ZNF430: variants seen among roughly 807,000 people sequenced by gnomAD.
ZNF430 encodes the protein zinc finger protein 430.
In ZNF430, 35 loss-of-function variants were observed where a neutral mutation model predicts 56.7. That is an observed-to-expected ratio of 0.62 (90% CI 0.47 to 0.82). ZNF430 has a LOEUF of 0.82. Ranked by LOEUF, ZNF430 falls within the 40% of genes least tolerant of loss-of-function variation. The pLI is 0.00. For missense variants in ZNF430, 574 were observed against 661.0 expected, an observed-to-expected ratio of 0.87 and a Z score of 1.44; for synonymous variants, 212 against 224.3, an observed-to-expected ratio of 0.94 and a Z score of 0.49.
intron 2 of ZNF430, among the ~76,000 whole-genome samples, chr19:21,033,211 G>A (rs921346588): frequency 6.6e-5 from 10 of 151,818 alleles, no homozygotes; most frequent in African/African-American, 7.3e-5. Flanking sequence ...AAAATTAGCC[G>A]AATGTAGTGG....
chr19:21,032,372 ACT>A (rs1047153577), intron 2 of ZNF430, among the ~76,000 whole-genome samples: 142 of 152,218 alleles, frequency 9.3e-4, no homozygotes, highest in African/African-American at 3.2e-3. Context: ...ATTATAATTT[ACT>A]GTTTGAGGGG....
At chr19:21,051,501 T>G (rs1226789357) in intron 4 of ZNF430, among the ~76,000 whole-genome samples, 4 of 152,196 alleles carry the variant, frequency 2.6e-5, no homozygotes, top group Admixed American at 1.3e-4. Context: ...ATTTTATTAG[T>G]TCACTTTGTT....
intron 4 of ZNF430, 121 bp downstream of exon 4, chr19:21,034,305 GTT>G: frequency 1.9e-5 from 12 of 648,334 alleles, no homozygotes; most frequent in Admixed American, 3.2e-5. Context: ...GGAAGCCTGA[GTT>G]TTTTTTTTTA....
In ZNF430 at chr19:21,057,135, T is replaced by G; in HGVS notation, c.827T>G (p.Leu276Arg). The G allele has an allele frequency of 6.2e-7, 1 of 1,614,026 alleles. No homozygotes were observed. The highest frequency in any genetic ancestry group is 8.5e-7 in the Non-Finnish European group (1 of 1,179,994). ...AAAGCTTTTAAGCAGTCCTCAACCC[T>G]TACTACACATAAGATAATTCATACT... ...CGKAFKQSST[L>R]TTHKIIHTGE... The change falls in exon 5 of 5, where the codon CTT becomes CGT. Residue 276 changes from leucine (L) to arginine (R), a missense_variant. Physicochemically the swap from Leu to Arg is moderately radical, Grantham distance 102. Coordinates refer to ENST00000261560, the MANE Select transcript of ZNF430 (RefSeq NM_025189.4).
chr19:21,024,734 C>T (rs1480174284), intron 2 of ZNF430, among the ~76,000 whole-genome samples: 5 of 151,320 alleles, frequency 3.3e-5, no homozygotes, highest in South Asian at 2.1e-4. Context: ...GAGCCTAGAT[C>T]GCGCCACTGC....
chr19:21,055,353 A>C (rs1968356265), intron 4 of ZNF430, among the ~76,000 whole-genome samples: 1 of 152,118 alleles, frequency 6.6e-6, no homozygotes, highest in African/African-American at 2.4e-5. Flanking sequence ...GGAGTCTCTC[A>C]AACATGTTGC....
intron 2 of ZNF430, among the ~76,000 whole-genome samples, chr19:21,024,178 A>C (rs780997471): frequency 1.5e-4 from 23 of 152,196 alleles, no homozygotes; most frequent in South Asian, 4.1e-4. Context: ...TAGCCTGCTC[A>C]CTCTAGCTGT....
In ZNF430 at chr19:21,039,199, C is replaced by T. The variant is rs544664546; in HGVS notation, c.322+5015C>T. 2.6e-5 allele frequency among the ~76,000 whole-genome samples: 4 copies of T among 152,156 alleles called. No individual in the cohort carries two copies. The South Asian group carries it at 8.3e-4, about 32-fold the overall frequency. On this transcript the variant is annotated intron_variant, in intron 4 of 4. Transcript: ENST00000261560. ...CCTGACCTCAAGTGATTCGCCCACA[C>T]CAGCCTCCTGAAGTGCTGGGATTAC...
chr19:21,026,021 T>G, intron 2 of ZNF430: 1 of 371,918 alleles, frequency 2.7e-6, no homozygotes, highest in Non-Finnish European at 5.1e-6. Context: ...TGGCATGGTT[T>G]CCTCTGGATG....
rs71174785 is a variant in ZNF430, at chr19:21,021,823, A to ATTTTTTTTTTTTTTTTT, written c.4-952_4-936dup. ...TTTCAAAACGATGCGCCTGAGTTAGATTTTTTTTTTTTTTTTTTTTTTTTT... is the reference window on the plus strand; with the variant it reads ...TTTCAAAACGATGCGCCTGAGTTAGATTTTTTTTTTTTTTTTTTTTTTTTTTTTTTTTTTTTTTTTTT... On this transcript the variant is annotated intron_variant, in intron 1 of 4. Transcript: ENST00000261560. Among the ~76,000 whole-genome samples the ATTTTTTTTTTTTTTTTT allele has an allele frequency of 9.3e-5, 8 of 85,704 alleles. 1 individual carries two copies. The highest frequency in any genetic ancestry group is 3.2e-4 in the African/African-American group (6 of 18,810). 56.2% of individuals were successfully genotyped at this position (85,704 alleles called of 152,430 possible). A position where few individuals can be genotyped will look rare whatever the true frequency, so the allele number is the denominator to read the frequency against.
chr19:21,057,612 G>A lies in ZNF430; in HGVS notation c.1304G>A (p.Gly435Asp), dbSNP rs757675963. 2 of 1,611,878 alleles carry A rather than the reference G, an allele frequency of 1.2e-6. No individual in the cohort carries two copies. Among genetic ancestry groups the A allele is most frequent in the South Asian group, 2.2e-5 (2 of 90,724 alleles). The change falls in exon 5 of 5, where the codon GGC becomes GAC. Residue 435 changes from glycine to aspartate, a missense_variant. Physicochemically the swap from Gly to Asp is moderately conservative, Grantham distance 94. Coordinates refer to ENST00000261560, the MANE Select transcript of ZNF430 (RefSeq NM_025189.4). Reference sequence around the variant, plus strand: ...AAACCCTACAAATGTGAACAATGTGGCAAAGCTTTTAATGAGTCCTCAAAC... The same window carrying A: ...AAACCCTACAAATGTGAACAATGTGACAAAGCTTTTAATGAGTCCTCAAAC... ...GEKPYKCEQC[G>D]KAFNESSNLT...
chr19:21,056,918 C>T lies in ZNF430; in HGVS notation c.610C>T (p.Pro204Ser), dbSNP rs7256437. The T allele has an allele frequency of 9.4e-4, 1,521 of 1,612,806 alleles. 5 individuals carry two copies. Among genetic ancestry groups the T allele is most frequent in the South Asian group, 6.3e-3 (574 of 90,804 alleles). The change falls in exon 5 of 5, where the codon CCT becomes TCT. Residue 204 changes from proline (P) to serine (S), a missense_variant. Pro to Ser is a moderately conservative substitution (Grantham distance 74). Transcript: ENST00000261560. Reference sequence around the variant, plus strand: ...AAAGATAAGACATACTGGAAAGAAGCCTTTCAAATGTAAAAAATGTGACAA... The same window carrying T: ...AAAGATAAGACATACTGGAAAGAAGTCTTTCAAATGTAAAAAATGTGACAA... The part of the protein sequence containing the change: ...IQKIRHTGKK[P>S]FKCKKCDKSF...
intron 4 of ZNF430, among the ~76,000 whole-genome samples, chr19:21,046,874 TG>T (rs1462857755): frequency 2.0e-5 from 3 of 152,198 alleles, no homozygotes; most frequent in African/African-American, 4.8e-5. Flanking sequence ...ATTTGAATGT[TG>T]GCCTTTCTTG....
intron 2 of ZNF430, among the ~76,000 whole-genome samples, chr19:21,029,733 G>A (rs775276769): frequency 3.9e-5 from 6 of 152,248 alleles, no homozygotes; most frequent in South Asian, 2.1e-4. Flanking sequence ...TTGGGAGGCC[G>A]AGGCAGACAG....
chr19:21,020,809 AG>A lies in ZNF430; in HGVS notation c.3+7del, dbSNP rs1974283165. 1 of 1,613,838 alleles carries A rather than the reference AG, an allele frequency of 6.2e-7. No individual in the cohort carries two copies. The highest frequency in any genetic ancestry group is 1.3e-5 in the African/African-American group (1 of 75,036). ...CCCCTGGAAGCCTAGAAATGGTGAGAGTGCCGGGTCCGACATCCCCAGAGAG... is the reference window on the plus strand; with the variant it reads ...CCCCTGGAAGCCTAGAAATGGTGAGATGCCGGGTCCGACATCCCCAGAGAG... On this transcript the variant is annotated splice_region_variant and intron_variant, in intron 1 of 4. Coordinates refer to ENST00000261560, the MANE Select transcript of ZNF430 (RefSeq NM_025189.4).
At chr19:21,054,669 C>CTTTTTTTTTTTTTTTTTTTTTTTTT (rs55772412) in intron 4 of ZNF430, among the ~76,000 whole-genome samples, 3 of 65,582 alleles carry the variant, frequency 4.6e-5, no homozygotes, top group African/African-American at 1.9e-4. Context: ...ATTTTTACGT[C>CTTTTTTTTTTTTTTTTTTTTTTTTT]TTTTTTTTTT....
chr19:21,053,013 G>A (rs908689528), intron 4 of ZNF430, among the ~76,000 whole-genome samples: 2 of 152,180 alleles, frequency 1.3e-5, no homozygotes, highest in Non-Finnish European at 2.9e-5. Context: ...CTATTGGCAA[G>A]GGCTTTAGGT....
Position 21,057,254 on chromosome 19 carries a change from C to A in ZNF430, c.946C>A (p.Pro316Thr), listed in dbSNP as rs1379374963. The A allele has an allele frequency of 1.2e-6, 2 of 1,613,052 alleles. No homozygotes were observed. The highest frequency in any genetic ancestry group is 3.3e-5 in the Admixed American group (2 of 59,940). The change falls in exon 5 of 5, where the codon CCC becomes ACC. Residue 316 changes from proline to threonine, a missense_variant. Coordinates refer to ENST00000261560, the MANE Select transcript of ZNF430 (RefSeq NM_025189.4). Reference protein sequence around the residue: ...THKRIHTGEKPYRCEECGRAF... With the variant: ...THKRIHTGEKTYRCEECGRAF... ...TAAAAGAATTCATACTGGAGAGAAA[C>A]CCTACAGATGTGAAGAATGTGGCAG... is the stretch of plus-strand genomic sequence containing the variant.
intron 4 of ZNF430, among the ~76,000 whole-genome samples, chr19:21,045,846 T>C (rs535659347): frequency 6.6e-6 from 1 of 152,354 alleles, no homozygotes; most frequent in South Asian, 2.1e-4. Context: ...GAAACTACAA[T>C]TGCAACTCCT....
Sources: gnomAD v4.1 joint callset for allele counts (sites outside exome capture counted in the v4.1 genomes callset) on GRCh38, gnomAD v4.1.1 for gene constraint, MANE v1.5 for transcripts, NCBI Gene and HGNC (gene_info 2026-07-23, HGNC 2026-07-21) for gene names.